Variants in MYOM1 observed in about 807,000 individuals in gnomAD.
MYOM1 encodes myomesin 1.
A neutral mutation model predicts 205.3 loss-of-function variants in MYOM1; 164 were observed. The ratio of observed to expected loss-of-function variants is 0.80; its 90% confidence interval spans 0.70 to 0.91. MYOM1 has a LOEUF of 0.91. Ranked by LOEUF, MYOM1 falls within the 40% of genes least tolerant of loss-of-function variation. The probability of loss-of-function intolerance (pLI) is 0.00; values close to 1 mark genes in which losing one functional copy is unlikely to be tolerated. For synonymous variants in MYOM1, 772 were observed against 789.4 expected (o/e 0.98, Z 0.37); for missense variants, 2,011 against 2,127.3 (o/e 0.95, Z 1.08).
intron 3 of MYOM1, 71 bp downstream of exon 3, chr18:3,193,747 A>C: frequency 7.0e-7 from 1 of 1,434,602 alleles, no homozygotes. Flanking sequence ...TTATGACTAT[A>C]ATCTGCCATT....
intron 11 of MYOM1, 103 bp downstream of exon 11, chr18:3,154,844 G>A: frequency 3.1e-6 from 4 of 1,301,526 alleles, no homozygotes; most frequent in Non-Finnish European, 4.2e-6. Context: ...GAGGAGGAGA[G>A]GAAAGCCAGA....
chr18:3,190,496 C>T (rs760122654), intron 3 of MYOM1: 5 of 152,158 alleles, frequency 3.3e-5, no homozygotes, highest in African/African-American at 9.7e-5. Context: ...GATGAGTCCA[C>T]GTTGTTTCTG....
chr18:3,159,312 T>C (rs2080347258), intron 10 of MYOM1, among the ~76,000 whole-genome samples: 1 of 152,232 alleles, frequency 6.6e-6, no homozygotes, highest in South Asian at 2.1e-4. Context: ...TGGTGCTTTA[T>C]ACACTGATCG....
At chr18:3,230,034 C>T in the MYOM1 span, among the ~76,000 whole-genome samples, 1 of 148,348 alleles carries the variant, frequency 6.7e-6, no homozygotes, top group Non-Finnish European at 1.5e-5. Flanking sequence ...TCCTCAAATG[C>T]GTTTAAAAAA....
At chr18:3,225,850 G>T in the MYOM1 span, among the ~76,000 whole-genome samples, 1 of 152,210 alleles carries the variant, frequency 6.6e-6, no homozygotes, top group African/African-American at 2.4e-5. Flanking sequence ...CAAAGAACAG[G>T]TCAGGCAGCC....
At chr18:3,145,393 T>A (rs539029292) in intron 13 of MYOM1, among the ~76,000 whole-genome samples, 1 of 151,948 alleles carries the variant, frequency 6.6e-6, no homozygotes, top group South Asian at 2.1e-4. Context: ...TAAAACAAGT[T>A]CAAGAAAATC....
intron 2 of MYOM1, among the ~76,000 whole-genome samples, chr18:3,200,817 T>C (rs79461619): frequency 6.6e-6 from 1 of 152,028 alleles, no homozygotes; most frequent in Admixed American, 6.6e-5. Context: ...GAAAATATAT[T>C]TGAAGAAATA....
intron 34 of MYOM1, among the ~76,000 whole-genome samples, chr18:3,078,320 G>T (rs113092376): frequency 0.036 from 5,541 of 152,276 alleles, 341 homozygotes; most frequent in African/African-American, 0.12. Flanking sequence ...AGGATTACAG[G>T]CATGAGCCAC....
Position 3,067,408 on chromosome 18 carries a change from T to C in MYOM1, c.4912A>G (p.Thr1638Ala). 6.2e-7 allele frequency: 1 copy of C among 1,613,502 alleles called. No homozygotes were observed. The highest frequency in any genetic ancestry group is 8.5e-7 in the Non-Finnish European group (1 of 1,179,908). The change falls in exon 38 of 38, where the codon ACC (threonine) becomes GCC (alanine). Residue 1638 changes from threonine (T) to alanine (A), a missense_variant. Transcript: ENST00000356443. ...AGCCCGTATTTGCCCGAGTCAGCGGTGCTCACGCCGTTGATGGTGAAGTAC... is the reference window on the plus strand; with the variant it reads ...AGCCCGTATTTGCCCGAGTCAGCGGCGCTCACGCCGTTGATGGTGAAGTAC... ...TAYFTINGVSTADSGKYGLVV... is the reference protein window; with the variant it reads ...TAYFTINGVSAADSGKYGLVV...
intron 16 of MYOM1, among the ~76,000 whole-genome samples, chr18:3,132,875 A>G (rs565720138): frequency 6.6e-6 from 1 of 152,332 alleles, no homozygotes; most frequent in African/African-American, 2.4e-5. Context: ...TCACTGTAAC[A>G]TTTGAATCCA....
intron 25 of MYOM1, 122 bp downstream of exon 25, chr18:3,100,037 G>A: frequency 1.0e-6 from 1 of 1,004,262 alleles, no homozygotes. Context: ...ACTGATGTGT[G>A]TTCCATTATA....
At chr18:3,165,714 C>T (rs2080457928) in intron 9 of MYOM1, among the ~76,000 whole-genome samples, 1 of 152,174 alleles carries the variant, frequency 6.6e-6, no homozygotes. Context: ...GTGCAGATCC[C>T]ACAGAGCTGA....
chr18:3,197,376 G>T (rs966313101), intron 2 of MYOM1, among the ~76,000 whole-genome samples: 4 of 152,066 alleles, frequency 2.6e-5, no homozygotes, highest in African/African-American at 9.6e-5. Context: ...GATCTCAGGT[G>T]ATCCGCCTGC....
At position 3,119,856 on chromosome 18, in the gene MYOM1, G is replaced by T. The variant is rs760720910; in HGVS notation, c.3118+13C>A. ...TCCGAGGTGCGGTGTGGAGGCAGGTGTCTGTGGTTTACCTGGGACGGCGAT... is the reference window on the plus strand; with the variant it reads ...TCCGAGGTGCGGTGTGGAGGCAGGTTTCTGTGGTTTACCTGGGACGGCGAT... On this transcript the variant is annotated intron_variant, in intron 20 of 37. Coordinates refer to ENST00000356443, the MANE Select transcript of MYOM1 (RefSeq NM_003803.4). 6.3e-7 allele frequency: 1 copy of T among 1,596,038 alleles called. No homozygotes were observed. Among genetic ancestry groups the T allele is most frequent in the Non-Finnish European group, 8.6e-7 (1 of 1,168,716 alleles).
In MYOM1 at chr18:3,150,390, G is replaced by A. The variant is rs141079218; in HGVS notation, c.1844-1189C>T. 3.5e-3 allele frequency among the ~76,000 whole-genome samples: 537 copies of A among 152,016 alleles called. 2 individuals carry two copies. Among genetic ancestry groups the A allele is most frequent in the African/African-American group, 0.012 (500 of 41,486 alleles). ...GACATTATTTTATTTAGACTTTTACGATGCCACTACACGTACTGAAGGTAA... is the reference window on the plus strand; with the variant it reads ...GACATTATTTTATTTAGACTTTTACAATGCCACTACACGTACTGAAGGTAA... On this transcript the variant is annotated intron_variant, in intron 12 of 37. Transcript: ENST00000356443.
intron 17 of MYOM1, 101 bp from the exon 18 acceptor site, chr18:3,129,620 G>A (rs1457114295): frequency 3.9e-6 from 5 of 1,274,470 alleles, no homozygotes; most frequent in Non-Finnish European, 5.3e-6. Context: ...ACCACAAGCA[G>A]AACAAAAACA....
intron 22 of MYOM1, among the ~76,000 whole-genome samples, chr18:3,106,032 C>T (rs1179976711): frequency 2.0e-5 from 3 of 152,144 alleles, no homozygotes; most frequent in African/African-American, 4.8e-5. Context: ...AAAGTAACAA[C>T]ACATCAATAA....
chr18:3,155,446 G>T (rs915311205), intron 10 of MYOM1, among the ~76,000 whole-genome samples: 15 of 152,160 alleles, frequency 9.9e-5, no homozygotes, highest in East Asian at 1.9e-4. Context: ...GGATGGTCTT[G>T]ATCTCCTGAC....
At chr18:3,200,288 C>T (rs1453682853) in intron 2 of MYOM1, among the ~76,000 whole-genome samples, 2 of 152,148 alleles carry the variant, frequency 1.3e-5, no homozygotes, top group African/African-American at 4.8e-5. Context: ...TATTATCTGA[C>T]ATGTCCCATT....
Sources: gnomAD v4.1 joint callset for allele counts (sites outside exome capture counted in the v4.1 genomes callset) on GRCh38, gnomAD v4.1.1 for gene constraint, MANE v1.5 for transcripts, NCBI Gene and HGNC (gene_info 2026-07-23, HGNC 2026-07-21) for gene names.